MDFIC2: variants seen among roughly 807,000 people sequenced by gnomAD.
The protein encoded by MDFIC2 is myoD family inhibitor domain-containing protein 2.
intron 2 of MDFIC2, among the ~76,000 whole-genome samples, chr3:70,288,148 G>A (rs1183729337): frequency 5.5e-5 from 8 of 144,516 alleles, no homozygotes; most frequent in African/African-American, 2.1e-4. Context: ...TAATTGTGAT[G>A]TTAGGGTGTC....
chr3:70,268,997 G>A lies in MDFIC2; in HGVS notation c.88+42889C>T, dbSNP rs1423393940. On this transcript the variant is annotated intron_variant, in intron 2 of 3. Coordinates refer to ENST00000567252, the MANE Select transcript of MDFIC2 (RefSeq NM_001364677.1). ...TCTTAACCTTCTTGTATATTACAAA[G>A]TTTAAATAAAAAAAGAAATAGAAAA... Among the ~76,000 whole-genome samples the A allele has an allele frequency of 2.6e-5, 4 of 152,006 alleles. No individual in the cohort carries two copies. The East Asian group carries it at 7.7e-4, about 29-fold the overall frequency.
intron 2 of MDFIC2, among the ~76,000 whole-genome samples, chr3:70,286,542 G>A (rs1034249672): frequency 1.3e-5 from 2 of 151,770 alleles, no homozygotes; most frequent in African/African-American, 4.8e-5. Flanking sequence ...GGTGATGCGG[G>A]CTCTTTTTTG....
chr3:70,217,740 T>G (rs1208748109), intron 2 of MDFIC2, among the ~76,000 whole-genome samples: 1 of 152,140 alleles, frequency 6.6e-6, no homozygotes, highest in Non-Finnish European at 1.5e-5. Flanking sequence ...CATTCTGTAT[T>G]TATAAATCAG....
chr3:70,201,024 C>CT (rs369942493), intron 3 of MDFIC2, among the ~76,000 whole-genome samples: 23 of 147,488 alleles, frequency 1.6e-4, no homozygotes, highest in East Asian at 5.9e-4. Flanking sequence ...TGTTTTGTAA[C>CT]TTTTTTTTTT....
intron 2 of MDFIC2, among the ~76,000 whole-genome samples, chr3:70,247,234 T>A (rs1377078121): frequency 6.6e-6 from 1 of 152,010 alleles, no homozygotes; most frequent in Non-Finnish European, 1.5e-5. Context: ...ATGGTTTTAT[T>A]TCCATTTTGA....
At chr3:70,281,774 G>C (rs774706304) in intron 2 of MDFIC2, among the ~76,000 whole-genome samples, 2 of 152,100 alleles carry the variant, frequency 1.3e-5, no homozygotes, top group Non-Finnish European at 2.9e-5. Context: ...AGCTTTCTCT[G>C]ATTCCAGCAG....
chr3:70,286,052 C>A (rs1288820607), intron 2 of MDFIC2, among the ~76,000 whole-genome samples: 1 of 152,070 alleles, frequency 6.6e-6, no homozygotes, highest in Non-Finnish European at 1.5e-5. Context: ...TGCAGAAGCT[C>A]TTTAGTTTAA....
At chr3:70,219,602 A>G (rs1428699966) in intron 2 of MDFIC2, among the ~76,000 whole-genome samples, 1 of 152,154 alleles carries the variant, frequency 6.6e-6, no homozygotes, top group Non-Finnish European at 1.5e-5. Flanking sequence ...GGGATGAAAA[A>G]CCAACAGAAT....
intron 2 of MDFIC2, among the ~76,000 whole-genome samples, chr3:70,222,584 T>A (rs938333441): frequency 6.6e-6 from 1 of 152,054 alleles, no homozygotes; most frequent in Admixed American, 6.6e-5. Context: ...CTCAAAAGGG[T>A]TGAAAACAGT....
At chr3:70,255,946 CT>C (rs1170063320) in intron 2 of MDFIC2, among the ~76,000 whole-genome samples, 2 of 152,136 alleles carry the variant, frequency 1.3e-5, no homozygotes, top group African/African-American at 4.8e-5. Context: ...AATTGGTAAA[CT>C]TTTTACAACA....
intron 2 of MDFIC2, among the ~76,000 whole-genome samples, chr3:70,233,083 G>A (rs1701576216): frequency 6.6e-6 from 1 of 152,162 alleles, no homozygotes; most frequent in African/African-American, 2.4e-5. Context: ...CAGCTAATTG[G>A]GAGGCTGAGG....
intron 2 of MDFIC2, among the ~76,000 whole-genome samples, chr3:70,294,322 G>T (rs958515304): frequency 3.3e-5 from 5 of 152,090 alleles, no homozygotes; most frequent in Non-Finnish European, 7.4e-5. Context: ...AATAGACCTT[G>T]TAGTACAAGA....
chr3:70,255,258 C>G (rs1015927076), intron 2 of MDFIC2, among the ~76,000 whole-genome samples: 1 of 152,092 alleles, frequency 6.6e-6, no homozygotes, highest in Non-Finnish European at 1.5e-5. Flanking sequence ...ACCAATGACA[C>G]ATAAATTTTT....
At chr3:70,271,955 G>C (rs1701979738) in intron 2 of MDFIC2, 1 of 152,182 alleles carries the variant, frequency 6.6e-6, no homozygotes. Flanking sequence ...TAGAGACAAC[G>C]TTTCATCATG....
At chr3:70,241,164 T>G (rs1285373841) in intron 2 of MDFIC2, among the ~76,000 whole-genome samples, 1 of 151,948 alleles carries the variant, frequency 6.6e-6, no homozygotes, top group Non-Finnish European at 1.5e-5. Context: ...TTCCTGGGAG[T>G]TGAGATATTT....
chr3:70,203,373 TG>T (rs1701259781), intron 3 of MDFIC2, among the ~76,000 whole-genome samples: 1 of 152,154 alleles, frequency 6.6e-6, no homozygotes, highest in Non-Finnish European at 1.5e-5. Context: ...TAATGTAGAA[TG>T]GGAATAAATA....
At chr3:70,254,456 G>A (rs1331150807) in intron 2 of MDFIC2, among the ~76,000 whole-genome samples, 3 of 152,108 alleles carry the variant, frequency 2.0e-5, no homozygotes, top group Admixed American at 1.3e-4. Flanking sequence ...CACAAAGGGC[G>A]TAAAAGAAAA....
At chr3:70,280,550 A>C (rs1400837446) in intron 2 of MDFIC2, among the ~76,000 whole-genome samples, 2 of 152,106 alleles carry the variant, frequency 1.3e-5, no homozygotes, top group African/African-American at 4.8e-5. Flanking sequence ...CCTGTATTGA[A>C]TGTTGGGACT....
At chr3:70,208,224 G>T (rs865944474) in intron 2 of MDFIC2, among the ~76,000 whole-genome samples, 1 of 152,032 alleles carries the variant, frequency 6.6e-6, no homozygotes, top group African/African-American at 2.4e-5. Context: ...GGTGTCCTTG[G>T]GAATTGCATT....
Sources: gnomAD v4.1 joint callset for allele counts (sites outside exome capture counted in the v4.1 genomes callset) on GRCh38, gnomAD v4.1.1 for gene constraint, MANE v1.5 for transcripts, NCBI Gene and HGNC (gene_info 2026-07-23, HGNC 2026-07-21) for gene names.